Variants in CCNL2 observed in about 807,000 individuals in gnomAD.
The protein encoded by CCNL2 is cyclin L2, also known as cyclin-L2.
In CCNL2, 28 loss-of-function variants were observed where a neutral mutation model predicts 59.1. The observed-to-expected ratio is 0.47, with a 90% confidence interval of 0.35 to 0.65. The LOEUF is 0.65. Ranked by LOEUF, CCNL2 falls within the 30% of genes least tolerant of loss-of-function variation. CCNL2 has a pLI of 0.00. For synonymous variants in CCNL2, 342 were observed against 288.6 expected, an observed-to-expected ratio of 1.19 and a Z score of -1.88; for missense variants, 714 against 717.4, an observed-to-expected ratio of 1.00 and a Z score of 0.05.
At position 1,395,451 on chromosome 1, in the gene CCNL2, C is replaced by T. The variant is rs748075018; in HGVS notation, c.537G>A (p.Ala179=). 30 of 1,614,014 alleles carry T rather than the reference C, an allele frequency of 1.9e-5. No individual in the cohort carries two copies. The East Asian group carries it at 4.9e-4, about 26-fold the overall frequency. The change falls in exon 4 of 11, where the codon GCG becomes GCA. Residue 179 remains alanine (A), a synonymous_variant. Coordinates refer to ENST00000400809, the MANE Select transcript of CCNL2 (RefSeq NM_030937.6). ...YVNLKNQIIK[A]ERRVLKELGF... is the part of the protein sequence containing the mutation. ...CCAACTCTTTGAGAACTCGTCTTTC[C>T]GCCTTTATAATTTGGTTCTTTAAAT...
chr1:1,399,119 G>A lies in CCNL2; in HGVS notation c.188C>T (p.Pro63Leu). The A allele has an allele frequency of 1.2e-6, 2 of 1,611,960 alleles. No homozygotes were observed. Among genetic ancestry groups the A allele is most frequent in the Non-Finnish European group, 1.7e-6 (2 of 1,179,450 alleles). Residue 63 changes from proline to leucine, a missense_variant, in exon 1 of 11, where the codon CCG becomes CTG. Transcript: ENST00000400809. ...GGTGTCGAGGCCGCTCGACATGGAC[G>A]GCGTGAAACGGAGCTTGTCGTCAGG... ...LLPDDKLRFT[P>L]SMSSGLDTDT...
intron 3 of CCNL2, among the ~76,000 whole-genome samples, chr1:1,396,756 TA>T (rs1245922338): frequency 1.3e-5 from 2 of 149,966 alleles, no homozygotes; most frequent in African/African-American, 4.9e-5. Context: ...ATTTTTTTTT[TA>T]TTTTTTTTTG....
Position 1,387,159 on chromosome 1 carries a change from CG to C in CCNL2, c.*71del. 1 of 1,300,328 alleles carries C rather than the reference CG, an allele frequency of 7.7e-7. No homozygotes were observed. The highest frequency in any genetic ancestry group is 1.1e-6 in the Non-Finnish European group (1 of 932,858). 80.5% of individuals were successfully genotyped at this position (1,300,328 alleles called of 1,614,324 possible). A position where few individuals can be genotyped will look rare whatever the true frequency, so the allele number is the denominator to read the frequency against. On this transcript the variant is annotated 3_prime_UTR_variant, in exon 11 of 11. Coordinates refer to ENST00000400809, the MANE Select transcript of CCNL2 (RefSeq NM_030937.6). ...CACCCGGGGGTCAAAGGGCAGCCACCGGGGGTCAAAGGGCAGCCATCAGGTA... is the reference window on the plus strand; with the variant it reads ...CACCCGGGGGTCAAAGGGCAGCCACCGGGGTCAAAGGGCAGCCATCAGGTA...
Position 1,395,545 on chromosome 1 carries a change from A to G in CCNL2, c.474-31T>C. 1.9e-6 allele frequency: 3 copies of G among 1,612,774 alleles called. No individual in the cohort carries two copies. In the South Asian group the frequency reaches 3.3e-5, roughly 18 times the overall value. On this transcript the variant is annotated intron_variant, in intron 3 of 10. Transcript: ENST00000400809. The stretch of plus-strand genomic sequence containing the variant: ...AGAGAGAGAGCACAGGGTCTGCACC[A>G]CAGTCAAGCAGAGCAAGGCTTCTGA...
rs774027681 is a variant in CCNL2 at position 1,398,999 on chromosome 1, G to A, written c.288+20C>T. 19 of 1,578,376 alleles carry A rather than the reference G, an allele frequency of 1.2e-5. No homozygotes were observed. The highest frequency in any genetic ancestry group is 1.5e-5 in the Non-Finnish European group (18 of 1,165,334). On this transcript the variant is annotated intron_variant, in intron 1 of 10. Transcript: ENST00000400809. ...GCCCCAGCGGTTACCTGGGCCGGAG[G>A]CTCGCGGCCGCGCCCTCACCTGCGG...
At chr1:1,397,312 G>T (rs1406283489) in intron 3 of CCNL2, among the ~76,000 whole-genome samples, 1 of 151,436 alleles carries the variant, frequency 6.6e-6, no homozygotes, top group Non-Finnish European at 1.5e-5. Context: ...CGTTTTTTTT[G>T]GAAACAGGGC....
chr1:1,394,119 C>T (rs1276507081), intron 4 of CCNL2, among the ~76,000 whole-genome samples: 5 of 148,312 alleles, frequency 3.4e-5, no homozygotes, highest in Non-Finnish European at 5.9e-5. Context: ...AGCGAGATTC[C>T]GTCTCCAAAA....
intron 8 of CCNL2, chr1:1,388,569 C>T (rs866906716): frequency 7.1e-6 from 2 of 280,184 alleles, no homozygotes; most frequent in South Asian, 5.3e-5. Context: ...GTGTGTGTCT[C>T]TCTCTCTCTC....
In CCNL2 at chr1:1,398,361, A is replaced by AT; in HGVS notation, c.364-20_364-19insA. Reference sequence around the variant, plus strand: ...ACACATGCTGAAGCGGAAGCATTGCAACACGCCCATGTTTGTCCCCAGCCA... The same window carrying AT: ...ACACATGCTGAAGCGGAAGCATTGCATACACGCCCATGTTTGTCCCCAGCCA... On this transcript the variant is annotated intron_variant, in intron 2 of 10. Coordinates refer to ENST00000400809, the MANE Select transcript of CCNL2 (RefSeq NM_030937.6). 6.2e-7 allele frequency: 1 copy of AT among 1,613,986 alleles called. No homozygotes were observed. Among genetic ancestry groups the AT allele is most frequent in the Non-Finnish European group, 8.5e-7 (1 of 1,179,970 alleles).
At chr1:1,388,669 G>A in intron 8 of CCNL2, 2 of 429,562 alleles carry the variant, frequency 4.7e-6, no homozygotes, top group South Asian at 3.3e-5. Context: ...TACTTGGGAG[G>A]CTGAGGCACA....
Position 1,390,710 on chromosome 1 carries a change from G to A in CCNL2, c.759+56C>T, listed in dbSNP as rs1174456795. The A allele has an allele frequency of 5.8e-6, 9 of 1,540,728 alleles. No individual in the cohort carries two copies. In the East Asian group the frequency reaches 1.8e-4, roughly 31 times the overall value. On this transcript the variant is annotated intron_variant, in intron 6 of 10. Coordinates refer to ENST00000400809, the MANE Select transcript of CCNL2 (RefSeq NM_030937.6). ...AAGAATAACACAGTAAAGTTTACTG[G>A]AGGCTGGAGAAAAAAAAATCAGACT...
chr1:1,387,647 CAGG>C (rs1357524923), intron 10 of CCNL2, 65 bp from the exon 11 acceptor site: 1 of 1,410,630 alleles, frequency 7.1e-7, no homozygotes, highest in African/African-American at 1.4e-5. Context: ...CACACACCCA[CAGG>C]AGCTCAGACA....
At chr1:1,390,153 C>A (rs182501944) in intron 8 of CCNL2, 77 bp downstream of exon 8, 5 of 1,313,418 alleles carry the variant, frequency 3.8e-6, no homozygotes, top group Non-Finnish European at 5.3e-6. Flanking sequence ...GGAGCACATA[C>A]CCCAGAATGG....
intron 3 of CCNL2, among the ~76,000 whole-genome samples, chr1:1,397,231 G>A (rs1055298694): frequency 2.6e-5 from 4 of 152,238 alleles, no homozygotes; most frequent in Admixed American, 1.3e-4. Context: ...CTGGGCTAAG[G>A]TCAGAGGCAG....
chr1:1,396,730 C>T (rs985997668), intron 3 of CCNL2, among the ~76,000 whole-genome samples: 15 of 151,528 alleles, frequency 9.9e-5, no homozygotes, highest in African/African-American at 3.6e-4. Flanking sequence ...CAGGCACCCG[C>T]AACCACACCC....
rs1386419625 is a variant in CCNL2 at position 1,390,882 on chromosome 1, G to C, written c.660-17C>G. ...ATGTAATTCCTGGAAGCCAAACACA[G>C]GAAGAACTGCAATGCCCCACCCGGG... On this transcript the variant is annotated splice_polypyrimidine_tract_variant and intron_variant, in intron 5 of 10. Transcript: ENST00000400809. The C allele has an allele frequency of 6.2e-7, 1 of 1,608,618 alleles. No homozygotes were observed. Among genetic ancestry groups the C allele is most frequent in the South Asian group, 1.1e-5 (1 of 90,982 alleles).
In CCNL2 at chr1:1,398,039, C is replaced by T. The variant is rs536861480; in HGVS notation, c.473+194G>A. On this transcript the variant is annotated intron_variant, in intron 3 of 10. Transcript: ENST00000400809. The stretch of plus-strand genomic sequence containing the variant: ...CACAGCGCACTGTCCTCACTGGAGC[C>T]CCTGCCCTTACTAAACCGCATCTAC... Among the ~76,000 whole-genome samples, 4 of 152,314 alleles carry T rather than the reference C, an allele frequency of 2.6e-5. No individual in the cohort carries two copies. The South Asian group carries it at 8.3e-4, about 32-fold the overall frequency.
At chr1:1,390,991 A>G (rs1644735043) in intron 5 of CCNL2, 126 bp from the exon 6 acceptor site, 3 of 908,666 alleles carry the variant, frequency 3.3e-6, no homozygotes, top group Admixed American at 2.5e-5. Flanking sequence ...TAGGACTCAG[A>G]GCTAGACAGT....
Position 1,390,917 on chromosome 1 carries a change from C to G in CCNL2, c.660-52G>C, listed in dbSNP as rs570662665. ...CAATGCCCCACCCGGGAACCCAGGTCTTCCGCCTGCATTATCTAGAGAAAA... is the reference window on the plus strand; with the variant it reads ...CAATGCCCCACCCGGGAACCCAGGTGTTCCGCCTGCATTATCTAGAGAAAA... On this transcript the variant is annotated intron_variant, in intron 5 of 10. Coordinates refer to ENST00000400809, the MANE Select transcript of CCNL2 (RefSeq NM_030937.6). 8.4e-4 allele frequency: 1,203 copies of G among 1,424,626 alleles called. 19 individuals carry two copies. The South Asian group carries it at 9.2e-3, about 11-fold the overall frequency. The allele number at this position is 1,424,626 out of a possible 1,614,324, so 88.2% of individuals were successfully genotyped here.
Sources: gnomAD v4.1 joint callset for allele counts (sites outside exome capture counted in the v4.1 genomes callset) on GRCh38, gnomAD v4.1.1 for gene constraint, MANE v1.5 for transcripts, NCBI Gene and HGNC (gene_info 2026-07-23, HGNC 2026-07-21) for gene names.